The following TMED3 variants were observed in gnomAD, a reference collection of about 807,000 sequenced individuals.
TMED3 encodes the protein transmembrane emp24 domain-containing protein 3.
A neutral mutation model predicts 15.0 loss-of-function variants in TMED3; 9 were observed. The observed-to-expected ratio is 0.60, with a 90% CI of 0.36 to 1.04. The LOEUF (loss-of-function observed/expected upper bound fraction) is 1.04. Ranked by LOEUF, TMED3 falls within the 50% of genes least tolerant of loss-of-function variation. The pLI is 0.01. For missense variants in TMED3, 267 were observed against 278.9 expected (o/e 0.96, Z 0.30); for synonymous variants, 117 against 121.4 (o/e 0.96, Z 0.24).
intron 2 of TMED3, among the ~76,000 whole-genome samples, chr15:79,340,257 G>A (rs985708849): frequency 6.6e-6 from 1 of 152,204 alleles, no homozygotes; most frequent in Non-Finnish European, 1.5e-5. Flanking sequence ...GCAGGCACAA[G>A]CCATGGTCTC....
chr15:79,400,810 T>A (rs1001943070), intron 2 of TMED3, among the ~76,000 whole-genome samples: 6 of 152,234 alleles, frequency 3.9e-5, no homozygotes, highest in African/African-American at 1.4e-4. Context: ...CCTTTCCACG[T>A]CTGATCTTCC....
chr15:79,393,877 T>A (rs544089731), intron 2 of TMED3, among the ~76,000 whole-genome samples: 138 of 152,244 alleles, frequency 9.1e-4, no homozygotes, highest in African/African-American at 3.1e-3. Context: ...TTAAATTTTT[T>A]GTAGAGACAG....
chr15:79,333,711 A>G (rs2058817718), intron 2 of TMED3, among the ~76,000 whole-genome samples: 1 of 152,212 alleles, frequency 6.6e-6, no homozygotes, highest in African/African-American at 2.4e-5. Flanking sequence ...GGAAACAGTA[A>G]TGGCTTGGCT....
At position 79,311,241 on chromosome 15, in the gene TMED3, G is replaced by A; in HGVS notation, c.-9G>A. The A allele has an allele frequency of 6.3e-7, 1 of 1,594,208 alleles. No individual in the cohort carries two copies. Among genetic ancestry groups the A allele is most frequent in the Non-Finnish European group, 8.5e-7 (1 of 1,173,624 alleles). On this transcript the variant is annotated 5_prime_UTR_variant, in exon 1 of 3. Coordinates refer to ENST00000299705, the MANE Select transcript of TMED3 (RefSeq NM_007364.4). ...GAGCCGCGGCCCTCGAGACGGGACC[G>A]AGAGCATCATGGGCAGCACTGTCCC...
exon 3 of TMED3, chr15:79,411,542 G>A: frequency 1.4e-6 from 1 of 700,166 alleles, no homozygotes; most frequent in Non-Finnish European, 2.6e-6. Context: ...GTGGATGGAG[G>A]GAAGACACAG....
chr15:79,347,107 G>C (rs1270451081), intron 2 of TMED3, among the ~76,000 whole-genome samples: 4 of 152,078 alleles, frequency 2.6e-5, no homozygotes, highest in Non-Finnish European at 5.9e-5. Flanking sequence ...TTTCCTAGAT[G>C]AACATCAGTG....
At chr15:79,401,559 G>T (rs1893833854) in intron 2 of TMED3, among the ~76,000 whole-genome samples, 1 of 151,964 alleles carries the variant, frequency 6.6e-6, no homozygotes, top group Non-Finnish European at 1.5e-5. Context: ...TAAACATCCT[G>T]CAATGAACAG....
chr15:79,332,916 C>T (rs2058814697), intron 2 of TMED3, among the ~76,000 whole-genome samples: 1 of 152,202 alleles, frequency 6.6e-6, no homozygotes, highest in Non-Finnish European at 1.5e-5. Context: ...TAGGGAAAAA[C>T]ATAGCTGAGG....
chr15:79,320,237 C>T (rs750870451), intron 2 of TMED3, among the ~76,000 whole-genome samples: 2 of 152,210 alleles, frequency 1.3e-5, no homozygotes, highest in Non-Finnish European at 2.9e-5. Flanking sequence ...CTCTTGTCTT[C>T]TGGTCACTTC....
chr15:79,331,542 C>CAAAAAAAAAAAAAAAAAGA (rs2058808622), intron 2 of TMED3, among the ~76,000 whole-genome samples: 2 of 89,288 alleles, frequency 2.2e-5, no homozygotes, highest in Non-Finnish European at 4.1e-5. Context: ...GCAAAAGAAG[C>CAAAAAAAAAAAAAAAAAGA]AAAAAAAAAA....
chr15:79,328,887 A>G (rs1475068480), intron 2 of TMED3, among the ~76,000 whole-genome samples: 3 of 152,186 alleles, frequency 2.0e-5, no homozygotes, highest in Admixed American at 1.3e-4. Flanking sequence ...TGCCTCTCCC[A>G]TGTGTTGCCT....
chr15:79,340,509 T>C (rs2058847757), intron 2 of TMED3, among the ~76,000 whole-genome samples: 1 of 152,246 alleles, frequency 6.6e-6, no homozygotes, highest in African/African-American at 2.4e-5. Context: ...GAGATGGTGA[T>C]AAGCAGTGTT....
chr15:79,362,149 G>A (rs116973364), intron 2 of TMED3, among the ~76,000 whole-genome samples: 319 of 152,054 alleles, frequency 2.1e-3, no homozygotes, highest in South Asian at 5.6e-3. Context: ...GATTTTTTGC[G>A]GGGGTACTTA....
chr15:79,326,845 G>C (rs768778474), downstream of TMED3, among the ~76,000 whole-genome samples: 1 of 152,170 alleles, frequency 6.6e-6, no homozygotes, highest in African/African-American at 2.4e-5. Context: ...TTGCGATAAA[G>C]GAATACCCAA....
chr15:79,335,123 GT>G (rs1170286149), intron 2 of TMED3, among the ~76,000 whole-genome samples: 18 of 152,190 alleles, frequency 1.2e-4, no homozygotes. Context: ...GGTAATTGGT[GT>G]TCCTGAAGAA....
rs138083342 is a variant in TMED3 at position 79,379,965 on chromosome 15, A to T, written c.418-31435A>T. Among the ~76,000 whole-genome samples the T allele has an allele frequency of 9.1e-4, 138 of 152,354 alleles. 2 individuals are homozygous for T. The highest frequency in any genetic ancestry group is 6.9e-4 in the Non-Finnish European group (47 of 68,034). ...TGAAACACACCAAATCTGAAAGATCACAAAAGGTTTTTATCTGCAGGAATG... is the reference window on the plus strand; with the variant it reads ...TGAAACACACCAAATCTGAAAGATCTCAAAAGGTTTTTATCTGCAGGAATG... On this transcript the variant is annotated intron_variant, in intron 2 of 2. Transcript: ENST00000424155.
intron 2 of TMED3, among the ~76,000 whole-genome samples, chr15:79,396,062 T>C (rs1408096169): frequency 3.3e-5 from 5 of 152,234 alleles, no homozygotes; most frequent in Admixed American, 2.6e-4. Flanking sequence ...TCTTCTGACT[T>C]CCATGTTTAA....
At chr15:79,393,043 C>T (rs545905483) in intron 2 of TMED3, among the ~76,000 whole-genome samples, 1 of 152,382 alleles carries the variant, frequency 6.6e-6, no homozygotes, top group East Asian at 1.9e-4. Flanking sequence ...AAGAGCTAGA[C>T]TTAGCTCTCT....
chr15:79,330,889 G>A (rs552256969), intron 2 of TMED3, among the ~76,000 whole-genome samples: 137 of 152,174 alleles, frequency 9.0e-4, no homozygotes, highest in Non-Finnish European at 1.7e-3. Flanking sequence ...CATATCTATA[G>A]CTATATTAGT....
Sources: gnomAD v4.1 joint callset for allele counts (sites outside exome capture counted in the v4.1 genomes callset) on GRCh38, gnomAD v4.1.1 for gene constraint, MANE v1.5 for transcripts, NCBI Gene and HGNC (gene_info 2026-07-23, HGNC 2026-07-21) for gene names.